The following CCDC7 variants were observed in gnomAD, a reference collection of about 807,000 sequenced individuals.
CCDC7 encodes the protein coiled-coil domain-containing protein 7.
A neutral mutation model predicts 196.9 loss-of-function variants in CCDC7; 183 were observed. That is an observed-to-expected ratio of 0.93 (90% CI 0.82 to 1.05). The LOEUF is 1.05. Among genes scored for constraint, CCDC7 ranks in the 50% least tolerant of loss-of-function variants. The pLI is 0.00. For missense variants in CCDC7, 1,540 were observed against 1,482.2 expected (o/e 1.04, Z -0.64); for synonymous variants, 525 against 484.6 (o/e 1.08, Z -1.10).
chr10:32,882,517 T>C (rs557827496), intron 22 of CCDC7, among the ~76,000 whole-genome samples, 176 bp from the exon 44 acceptor site: 2 of 152,310 alleles, frequency 1.3e-5, no homozygotes, highest in South Asian at 2.1e-4. Flanking sequence ...TGAAAGATCA[T>C]TGATTTTTGA....
exon 3 of CCDC7, chr10:32,456,296 G>A: frequency 1.3e-6 from 2 of 1,570,980 alleles, no homozygotes; most frequent in South Asian, 1.2e-5. Flanking sequence ...TTCGCAATTT[G>A]CAGCTCAGCT....
At chr10:32,447,428 T>G (rs143200796), upstream of CCDC7, among the ~76,000 whole-genome samples, 6,525 of 152,290 alleles carry the variant, frequency 0.043, 144 homozygotes, top group Middle Eastern at 0.065. Context: ...ATGGTTTTGA[T>G]GGAATTTTTG....
chr10:32,684,959 T>TTAA (rs1356997396), intron 21 of CCDC7, among the ~76,000 whole-genome samples: 1 of 3,932 alleles, frequency 2.5e-4, no homozygotes, highest in East Asian at 0.25. Context: ...TTAATTTAAT[T>TTAA]TTTTTTTTTT....
At chr10:32,604,558 A>C (rs1001870338) in intron 18 of CCDC7, among the ~76,000 whole-genome samples, 2 of 152,142 alleles carry the variant, frequency 1.3e-5, no homozygotes, top group African/African-American at 4.8e-5. Flanking sequence ...GTCAGTGAGC[A>C]TGAGATGTTC....
exon 40 of CCDC7, chr10:32,851,845 C>T (rs755211888): frequency 2.3e-5 from 37 of 1,612,420 alleles, no homozygotes; most frequent in Non-Finnish European, 3.0e-5. Flanking sequence ...TGTGACTGCA[C>T]CTTCAAAAGC....
intron 18 of CCDC7, among the ~76,000 whole-genome samples, chr10:32,617,517 A>G (rs1281651342): frequency 2.6e-5 from 4 of 151,662 alleles, no homozygotes; most frequent in Admixed American, 2.0e-4. Flanking sequence ...AAAATTTTTA[A>G]ATTTATATCT....
chr10:32,511,602 A>C, intron 9 of CCDC7: 1 of 1,596,334 alleles, frequency 6.3e-7, no homozygotes. Context: ...AGTGGATCCA[A>C]CTTCTGCAAC....
At chr10:32,700,969 G>T (rs1314991292) in intron 24 of CCDC7, among the ~76,000 whole-genome samples, 1 of 152,150 alleles carries the variant, frequency 6.6e-6, no homozygotes, top group African/African-American at 2.4e-5. Flanking sequence ...AGACAATGGG[G>T]TTTTCTAGAC....
At chr10:32,500,505 C>T (rs184173975) in intron 9 of CCDC7, among the ~76,000 whole-genome samples, 219 of 151,722 alleles carry the variant, frequency 1.4e-3, no homozygotes, top group African/African-American at 1.3e-3. Context: ...GGGGCAGAGA[C>T]GCTCCTCACT....
chr10:32,674,737 G>T (rs1042925272), intron 21 of CCDC7, among the ~76,000 whole-genome samples: 2 of 152,018 alleles, frequency 1.3e-5, no homozygotes, highest in African/African-American at 2.4e-5. Context: ...GTGCTCTGAC[G>T]TTGGACACAG....
At chr10:32,483,567 G>A (rs1415306377) in intron 8 of CCDC7, among the ~76,000 whole-genome samples, 1 of 152,118 alleles carries the variant, frequency 6.6e-6, no homozygotes, top group Non-Finnish European at 1.5e-5. Flanking sequence ...TGAAGTCCTT[G>A]CCCATGCCTA....
intron 13 of CCDC7, among the ~76,000 whole-genome samples, chr10:32,548,999 T>C (rs117289882): frequency 0.086 from 13,058 of 152,278 alleles, 879 homozygotes; most frequent in South Asian, 0.25. Flanking sequence ...CCGTTTTCCA[T>C]AGTGGCTGTA....
intron 28 of CCDC7, among the ~76,000 whole-genome samples, chr10:32,746,303 G>A (rs1316398433): frequency 1.3e-5 from 2 of 152,122 alleles, no homozygotes; most frequent in African/African-American, 2.4e-5. Flanking sequence ...GGTGAGGAGT[G>A]GTCTTATCTC....
chr10:32,816,775 C>T (rs1253188691), intron 31 of CCDC7, among the ~76,000 whole-genome samples: 2 of 152,120 alleles, frequency 1.3e-5, no homozygotes, highest in Non-Finnish European at 2.9e-5. Context: ...AGCTGAGGGT[C>T]CTGACTATTA....
intron 9 of CCDC7, 123 bp from the exon 11 acceptor site, chr10:32,517,822 C>T (rs2047271339): frequency 1.1e-6 from 1 of 942,632 alleles, no homozygotes; most frequent in Non-Finnish European, 1.5e-6. Context: ...CAAGGGAGGG[C>T]AGAATAAAAC....
intron 20 of CCDC7, among the ~76,000 whole-genome samples, chr10:32,644,528 C>A (rs2067411506): frequency 6.6e-6 from 1 of 152,100 alleles, no homozygotes; most frequent in Admixed American, 6.5e-5. Context: ...GACAGGGCAC[C>A]ATTTCTGTTT....
intron 41 of CCDC7, among the ~76,000 whole-genome samples, chr10:32,856,860 T>C (rs1468571169): frequency 6.6e-6 from 1 of 152,084 alleles, no homozygotes; most frequent in African/African-American, 2.4e-5. Context: ...TACTGGGAAG[T>C]GCCTCAGAAT....
At chr10:32,445,451 G>A (rs1486717134), upstream of CCDC7, among the ~76,000 whole-genome samples, 6 of 152,072 alleles carry the variant, frequency 3.9e-5, no homozygotes, top group Non-Finnish European at 7.4e-5. Context: ...CTGGTTTTTA[G>A]TTTTAGTTCC....
chr10:32,840,749 C>T (rs967116418), intron 33 of CCDC7, among the ~76,000 whole-genome samples: 2 of 151,886 alleles, frequency 1.3e-5, no homozygotes, highest in Admixed American at 6.6e-5. Context: ...ATGAAAAAAT[C>T]CTCAACAAAA....
Sources: allele counts gnomAD v4.1 joint callset (sites outside exome capture counted in the v4.1 genomes callset), GRCh38; gene constraint gnomAD v4.1.1; transcripts MANE v1.5; gene names NCBI Gene and HGNC (gene_info 2026-07-23, HGNC 2026-07-21).